PRR16: variants seen among roughly 807,000 people sequenced by gnomAD.
PRR16 encodes proline rich 16.
A neutral mutation model predicts 18.2 loss-of-function variants in PRR16; 6 were observed. The observed-to-expected ratio is 0.33, with a 90% CI of 0.18 to 0.65. PRR16 has a LOEUF of 0.65. Ranked by LOEUF, PRR16 falls within the 30% of genes least tolerant of loss-of-function variation. The pLI is 0.74. For synonymous variants in PRR16, 151 were observed against 147.8 expected (o/e 1.02, Z -0.16); for missense variants, 412 against 376.6 (o/e 1.09, Z -0.78).
the PRR16 span, among the ~76,000 whole-genome samples, chr5:120,715,377 C>T: frequency 2.2e-4 from 33 of 152,174 alleles, no homozygotes; most frequent in African/African-American, 7.7e-4. Flanking sequence ...GCCCTTACTA[C>T]TCAATGAAAA....
At chr5:120,553,013 C>T (rs1021961280) in intron 1 of PRR16, among the ~76,000 whole-genome samples, 2 of 151,716 alleles carry the variant, frequency 1.3e-5, no homozygotes, top group Non-Finnish European at 2.9e-5. Context: ...CACATAACTC[C>T]GAACTCAGAC....
chr5:120,467,334 A>C (rs560974148), intron 1 of PRR16, among the ~76,000 whole-genome samples: 1 of 152,304 alleles, frequency 6.6e-6, no homozygotes, highest in Non-Finnish European at 1.5e-5. Context: ...CTTAACTTGC[A>C]ACAGAAATTA....
chr5:120,733,235 C>A, the PRR16 span, among the ~76,000 whole-genome samples: 2 of 151,984 alleles, frequency 1.3e-5, no homozygotes, highest in African/African-American at 2.4e-5. Context: ...AGCTTGAACT[C>A]CTGGGCTCAA....
At chr5:120,677,689 T>C (rs1379366515) in intron 1 of PRR16, among the ~76,000 whole-genome samples, 2 of 152,122 alleles carry the variant, frequency 1.3e-5, no homozygotes, top group Non-Finnish European at 2.9e-5. Context: ...TGGTTGAGAA[T>C]TGTTGACAAG....
At chr5:120,647,347 T>C (rs1008569537) in intron 1 of PRR16, among the ~76,000 whole-genome samples, 7 of 151,844 alleles carry the variant, frequency 4.6e-5, no homozygotes, top group Admixed American at 4.6e-4. Context: ...AGATAACAAT[T>C]AAAATTGTTT....
At chr5:120,615,052 G>GA (rs3047989) in intron 1 of PRR16, among the ~76,000 whole-genome samples, 18,138 of 150,980 alleles carry the variant, frequency 0.12, 1,307 homozygotes, top group African/African-American at 0.2. Flanking sequence ...CTGTATAACG[G>GA]AAAAAAAAAT....
the PRR16 span, chr5:120,710,683 A>T: frequency 6.6e-6 from 1 of 152,200 alleles, no homozygotes; most frequent in African/African-American, 2.4e-5. Context: ...TATTATTATT[A>T]TTTTTTAAAT....
chr5:120,471,335 C>G (rs1749262885), intron 1 of PRR16, among the ~76,000 whole-genome samples: 1 of 152,186 alleles, frequency 6.6e-6, no homozygotes, highest in East Asian at 1.9e-4. Flanking sequence ...CTCGTTGATA[C>G]TTAGCATTGT....
At chr5:120,720,994 T>C in the PRR16 span, among the ~76,000 whole-genome samples, 1 of 152,058 alleles carries the variant, frequency 6.6e-6, no homozygotes, top group African/African-American at 2.4e-5. Flanking sequence ...ATTTCATCAT[T>C]TATCTCACCA....
At chr5:120,763,430 G>A in the PRR16 span, among the ~76,000 whole-genome samples, 5 of 152,028 alleles carry the variant, frequency 3.3e-5, no homozygotes, top group Non-Finnish European at 1.5e-5. Flanking sequence ...CACCACGCCT[G>A]GCCTGCAATA....
intron 1 of PRR16, among the ~76,000 whole-genome samples, chr5:120,637,908 T>C (rs1240487429): frequency 6.6e-6 from 1 of 152,144 alleles, no homozygotes; most frequent in African/African-American, 2.4e-5. Context: ...GCAGACATAA[T>C]AGTAACCTTT....
chr5:120,794,323 T>C, the PRR16 span, among the ~76,000 whole-genome samples: 1 of 152,170 alleles, frequency 6.6e-6, no homozygotes, highest in African/African-American at 2.4e-5. Flanking sequence ...TTTTTACAAA[T>C]TGAAGGTTTG....
chr5:120,589,173 A>G (rs1399789333), intron 1 of PRR16, among the ~76,000 whole-genome samples: 1 of 152,084 alleles, frequency 6.6e-6, no homozygotes, highest in African/African-American at 2.4e-5. Context: ...CATTAACCTG[A>G]TTTTCAAGAT....
At chr5:120,708,064 GTAA>G in the PRR16 span, among the ~76,000 whole-genome samples, 2 of 152,202 alleles carry the variant, frequency 1.3e-5, no homozygotes, top group Admixed American at 6.5e-5. Flanking sequence ...TATTTTCACT[GTAA>G]TAATTTGTCT....
chr5:120,603,796 T>G (rs962056148), intron 1 of PRR16, among the ~76,000 whole-genome samples: 2 of 152,032 alleles, frequency 1.3e-5, no homozygotes, highest in South Asian at 4.2e-4. Flanking sequence ...ATTTCTGTCT[T>G]AATTACTTTT....
the PRR16 span, among the ~76,000 whole-genome samples, chr5:120,771,581 C>A: frequency 6.6e-6 from 1 of 151,932 alleles, no homozygotes; most frequent in Admixed American, 6.6e-5. Context: ...AAGGGTGAAA[C>A]CATAATAAAG....
At chr5:120,531,120 G>T (rs888851323) in intron 1 of PRR16, among the ~76,000 whole-genome samples, 2 of 152,050 alleles carry the variant, frequency 1.3e-5, no homozygotes, top group African/African-American at 4.8e-5. Flanking sequence ...CAGAAAATTA[G>T]GTAGTTTAAA....
chr5:120,554,745 C>T (rs1041926162), intron 1 of PRR16, among the ~76,000 whole-genome samples: 3 of 151,916 alleles, frequency 2.0e-5, no homozygotes, highest in Non-Finnish European at 4.4e-5. Context: ...GCTCTACTGT[C>T]CCCAGTTTAA....
chr5:120,750,541 C>T, the PRR16 span, among the ~76,000 whole-genome samples: 3 of 151,826 alleles, frequency 2.0e-5, no homozygotes, highest in East Asian at 5.8e-4. Context: ...GTGGCGCATA[C>T]CTGTAATCCC....
Sources: allele counts gnomAD v4.1 joint callset (sites outside exome capture counted in the v4.1 genomes callset), GRCh38; gene constraint gnomAD v4.1.1; transcripts MANE v1.5; gene names NCBI Gene and HGNC (gene_info 2026-07-23, HGNC 2026-07-21).